Variants in CFAP206 observed in about 807,000 individuals in gnomAD.
CFAP206 encodes cilia and flagella associated protein 206.
Under a neutral mutation model 65.4 loss-of-function variants are expected in CFAP206, and 53 were observed. That is an observed-to-expected ratio of 0.81 (90% CI 0.65 to 1.02). The LOEUF is 1.02. CFAP206 is among the 50% of genes least tolerant of loss of function. The probability of loss-of-function intolerance (pLI) is 0.00; values close to 1 mark genes in which losing one functional copy is unlikely to be tolerated. For synonymous variants in CFAP206, 250 were observed against 254.4 expected, an observed-to-expected ratio of 0.98 and a Z score of 0.17; for missense variants, 663 against 753.2, an observed-to-expected ratio of 0.88 and a Z score of 1.40.
chr6:87,426,374 G>A (rs895272799), intron 7 of CFAP206, 152 bp from the exon 8 acceptor site: 2 of 463,880 alleles, frequency 4.3e-6, no homozygotes, highest in Non-Finnish European at 7.6e-6. Context: ...TGCTGGTACT[G>A]TTCTAGGTGT....
At chr6:87,463,874 T>C (rs1263011057) in intron 12 of CFAP206, 146 bp from the exon 13 acceptor site, 5 of 521,346 alleles carry the variant, frequency 9.6e-6, no homozygotes, top group African/African-American at 7.5e-5. Flanking sequence ...GATTTTCCAA[T>C]GTTTTATAGA....
intron 11 of CFAP206, chr6:87,445,079 C>G (rs1768421044): frequency 2.0e-6 from 1 of 500,178 alleles, no homozygotes; most frequent in Non-Finnish European, 4.0e-6. Context: ...CAATGGCTTT[C>G]TACGGTTCAC....
chr6:87,454,801 C>T (rs1220610148), intron 11 of CFAP206, among the ~76,000 whole-genome samples: 13 of 143,700 alleles, frequency 9.0e-5, no homozygotes, highest in East Asian at 8.3e-4. Context: ...GCTGAGATTG[C>T]GCCACTGCAC....
chr6:87,430,266 C>T (rs1440762608), intron 9 of CFAP206, among the ~76,000 whole-genome samples: 1 of 152,112 alleles, frequency 6.6e-6, no homozygotes, highest in Non-Finnish European at 1.5e-5. Flanking sequence ...GTGGTGCCTG[C>T]TTTTTGGGTT....
chr6:87,441,190 A>G, intron 11 of CFAP206: 1 of 304,616 alleles, frequency 3.3e-6, no homozygotes, highest in Non-Finnish European at 5.2e-6. Flanking sequence ...GCTGCTTCTT[A>G]GCAAAACTGG....
intron 11 of CFAP206, chr6:87,442,069 T>C (rs888785135): frequency 3.5e-5 from 7 of 199,226 alleles, no homozygotes; most frequent in African/African-American, 1.2e-4. Context: ...ACTTCCAGAT[T>C]TTTGGTTTGC....
intron 12 of CFAP206, among the ~76,000 whole-genome samples, chr6:87,463,592 C>T (rs1582156042): frequency 6.6e-6 from 1 of 152,246 alleles, no homozygotes; most frequent in African/African-American, 2.4e-5. Context: ...AAGCATCAGA[C>T]TCTTTTATGT....
chr6:87,427,879 G>C (rs892463219), intron 8 of CFAP206, among the ~76,000 whole-genome samples: 10 of 151,572 alleles, frequency 6.6e-5, no homozygotes, highest in South Asian at 4.2e-4. Context: ...TCTGATTTTT[G>C]GTACTTATGA....
At position 87,444,678 on chromosome 6, in the gene CFAP206, C is replaced by T. The variant is rs886497088; in HGVS notation, c.1494+9625C>T. 39 of 335,842 alleles carry T rather than the reference C, an allele frequency of 1.2e-4. No individual in the cohort carries two copies. The Admixed American group carries it at 1.5e-3, about 13-fold the overall frequency. 20.8% of individuals were successfully genotyped at this position (335,842 alleles called of 1,614,324 possible). ...ACTGAGTTCCTGATCCCTCTGGGCT[C>T]TCTCATGCTCTTTTCTGAGCCTTTT... is the stretch of plus-strand genomic sequence containing the variant. On this transcript the variant is annotated intron_variant, in intron 11 of 12. Coordinates refer to ENST00000369562, the MANE Select transcript of CFAP206 (RefSeq NM_001031743.3).
rs1399985893 is a variant in CFAP206 at position 87,408,226 on chromosome 6, CT to C, written c.-6+140del. 4.9e-5 allele frequency: 12 copies of C among 244,456 alleles called. 1 individual carries two copies. The highest frequency in any genetic ancestry group is 1.9e-4 in the Admixed American group (3 of 15,400). 15.1% of individuals were successfully genotyped at this position (244,456 alleles called of 1,614,324 possible). On this transcript the variant is annotated intron_variant, in intron 1 of 12. Transcript: ENST00000369562. ...CGAGACTTAGCTCTCAGTCTCGATC[CT>C]TTAGGCTGCGCCGCCGCAGAGCTGG...
At chr6:87,443,342 CTTTT>C (rs1055590463) in intron 11 of CFAP206, among the ~76,000 whole-genome samples, 2 of 152,028 alleles carry the variant, frequency 1.3e-5, no homozygotes, top group Admixed American at 1.3e-4. Context: ...AGTCTTCTCT[CTTTT>C]TATTTTGATT....
chr6:87,431,935 T>C (rs1373204661), intron 10 of CFAP206, among the ~76,000 whole-genome samples: 1 of 152,192 alleles, frequency 6.6e-6, no homozygotes, highest in African/African-American at 2.4e-5. Context: ...TATAAGGAAA[T>C]GGCTAATATC....
chr6:87,416,985 G>C (rs1379431372), intron 6 of CFAP206, among the ~76,000 whole-genome samples, 158 bp downstream of exon 6: 1 of 152,132 alleles, frequency 6.6e-6, no homozygotes, highest in African/African-American at 2.4e-5. Flanking sequence ...ATAATGTGTA[G>C]TGATTTTTAC....
rs113594351 is a variant in CFAP206 at position 87,425,361 on chromosome 6, C to T, written c.841-1165C>T. Reference sequence around the variant, plus strand: ...TAATAACCTTTCAGTTTACTGTTGTCCAAAAACTTTAGGATACATGAAGCA... The same window carrying T: ...TAATAACCTTTCAGTTTACTGTTGTTCAAAAACTTTAGGATACATGAAGCA... On this transcript the variant is annotated intron_variant, in intron 7 of 12. Transcript: ENST00000369562. 1.0e-3 allele frequency among the ~76,000 whole-genome samples: 158 copies of T among 152,238 alleles called. 2 individuals carry two copies. Among genetic ancestry groups the T allele is most frequent in the African/African-American group, 3.4e-3 (142 of 41,538 alleles).
chr6:87,414,064 A>T (rs1262870543), intron 4 of CFAP206, among the ~76,000 whole-genome samples, 164 bp downstream of exon 4: 1 of 152,232 alleles, frequency 6.6e-6, no homozygotes, highest in East Asian at 1.9e-4. Context: ...CTAAATGAAA[A>T]AAAACCATTG....
chr6:87,428,466 G>A (rs1052612547), intron 8 of CFAP206, among the ~76,000 whole-genome samples, 160 bp from the exon 9 acceptor site: 1 of 152,146 alleles, frequency 6.6e-6, no homozygotes, highest in Non-Finnish European at 1.5e-5. Flanking sequence ...TAATTTATGA[G>A]TTAAATGTCT....
intron 11 of CFAP206, among the ~76,000 whole-genome samples, chr6:87,447,908 G>A (rs1471849659): frequency 6.8e-6 from 1 of 146,082 alleles, no homozygotes; most frequent in Non-Finnish European, 1.5e-5. Flanking sequence ...AGTCTTGGGA[G>A]GGTGTATGTG....
chr6:87,411,642 A>C (rs933942811), intron 3 of CFAP206, among the ~76,000 whole-genome samples: 3 of 152,106 alleles, frequency 2.0e-5, no homozygotes, highest in African/African-American at 7.2e-5. Flanking sequence ...TTATAGTTTC[A>C]GGTCTTACAT....
At chr6:87,408,525 CCGGAGCGCGCACACAGAT>C in intron 1 of CFAP206, 1 of 71,932 alleles carries the variant, frequency 1.4e-5, no homozygotes, top group Non-Finnish European at 3.0e-5. Flanking sequence ...GCACACAGAT[CCGGAGCGCGCACACAGAT>C]CCGGAGCGCG....
Sources: allele counts gnomAD v4.1 joint callset (sites outside exome capture counted in the v4.1 genomes callset), GRCh38; gene constraint gnomAD v4.1.1; transcripts MANE v1.5; gene names NCBI Gene and HGNC (gene_info 2026-07-23, HGNC 2026-07-21).